Variants in ADAMTS3 observed in about 807,000 individuals in gnomAD.
ADAMTS3 encodes the protein ADAM metallopeptidase with thrombospondin type 1 motif 3.
A neutral mutation model predicts 129.0 loss-of-function variants in ADAMTS3; 73 were observed. The ratio of observed to expected loss-of-function variants is 0.57; its 90% confidence interval spans 0.47 to 0.69. ADAMTS3 has a LOEUF of 0.69. Among genes scored for constraint, ADAMTS3 ranks in the 30% least tolerant of loss-of-function variants. ADAMTS3 has a pLI of 0.00. For missense variants in ADAMTS3, 1,457 were observed against 1,514.5 expected, an observed-to-expected ratio of 0.96 and a Z score of 0.63; for synonymous variants, 477 against 510.8, an observed-to-expected ratio of 0.93 and a Z score of 0.89.
At chr4:72,433,974 G>A (rs1358278239) in intron 3 of ADAMTS3, among the ~76,000 whole-genome samples, 4 of 151,646 alleles carry the variant, frequency 2.6e-5, no homozygotes, top group Admixed American at 6.6e-5. Context: ...CTAGACTACC[G>A]AGGTTGGTGA....
At chr4:72,387,099 T>A (rs1039791191) in intron 4 of ADAMTS3, among the ~76,000 whole-genome samples, 1 of 152,198 alleles carries the variant, frequency 6.6e-6, no homozygotes, top group Non-Finnish European at 1.5e-5. Context: ...GAGTAGACAT[T>A]ATCAAAGCAA....
chr4:72,530,607 T>A (rs1720995432), intron 3 of ADAMTS3, among the ~76,000 whole-genome samples: 1 of 88,330 alleles, frequency 1.1e-5, no homozygotes, highest in African/African-American at 4.6e-5. Context: ...TATTAAAATA[T>A]ATATTATATA....
intron 3 of ADAMTS3, among the ~76,000 whole-genome samples, chr4:72,529,681 A>G (rs1720912232): frequency 7.9e-6 from 1 of 125,890 alleles, no homozygotes; most frequent in Non-Finnish European, 1.6e-5. Context: ...AATATTATTT[A>G]TATATTAAAT....
intron 1 of ADAMTS3, 36 bp from the exon 2 acceptor site, chr4:72,567,437 A>C (rs1722044809): frequency 6.2e-7 from 1 of 1,605,998 alleles, no homozygotes. Context: ...AAAGAAAGTT[A>C]CTGGGTTTCA....
chr4:72,400,226 TGTGTGTATATATGCACACATG>T lies in ADAMTS3; in HGVS notation c.661+14568_661+14588del, dbSNP rs1318317348. On this transcript the variant is annotated intron_variant, in intron 4 of 21. Transcript: ENST00000286657. ...TATGCACACATGGTGTGTATGTATA[TGTGTGTATATATGCACACATG>T]GTGTGTATATACGTGTGTATATATG... Among the ~76,000 whole-genome samples the T allele has an allele frequency of 2.7e-4, 37 of 135,462 alleles. 2 individuals are homozygous for T. Among genetic ancestry groups the T allele is most frequent in the African/African-American group, 9.8e-4 (36 of 36,562 alleles). The allele number at this position is 135,462 out of a possible 152,430, so 88.9% of individuals were successfully genotyped here.
intron 3 of ADAMTS3, among the ~76,000 whole-genome samples, chr4:72,506,431 T>C (rs1333179252): frequency 6.6e-6 from 1 of 152,156 alleles, no homozygotes; most frequent in Non-Finnish European, 1.5e-5. Flanking sequence ...TTGAGGCACT[T>C]TCCAAAGTTC....
chr4:72,313,110 G>A (rs1006154489), intron 12 of ADAMTS3, among the ~76,000 whole-genome samples: 2 of 152,148 alleles, frequency 1.3e-5, no homozygotes, highest in African/African-American at 4.8e-5. Flanking sequence ...TTAAACCCTA[G>A]ACAAGGCAGA....
chr4:72,512,319 C>G (rs1052069031), intron 3 of ADAMTS3, among the ~76,000 whole-genome samples: 1 of 151,984 alleles, frequency 6.6e-6, no homozygotes, highest in South Asian at 2.1e-4. Flanking sequence ...TGGTGAAACC[C>G]TGTCTCTACT....
chr4:72,458,500 G>C (rs888878176), intron 3 of ADAMTS3, among the ~76,000 whole-genome samples: 1 of 151,588 alleles, frequency 6.6e-6, no homozygotes, highest in African/African-American at 2.4e-5. Context: ...TTTAAGTTAA[G>C]TGGTTAAATA....
chr4:72,417,697 G>A (rs1462083604), intron 3 of ADAMTS3, among the ~76,000 whole-genome samples: 4 of 152,036 alleles, frequency 2.6e-5, no homozygotes, highest in South Asian at 2.1e-4. Flanking sequence ...TTGGGACGCC[G>A]AGATGGGCGG....
rs1719308276 is a variant in ADAMTS3, at chr4:72,313,703, G to A, written c.1719C>T (p.Phe573=). 1 of 1,613,488 alleles carries A rather than the reference G, an allele frequency of 6.2e-7. No individual in the cohort carries two copies. Among genetic ancestry groups the A allele is most frequent in the South Asian group, 1.1e-5 (1 of 91,074 alleles). ...CSRTCGTGVR[F]RTRQCNNPMP... Reference sequence around the variant, plus strand: ...TGGGATTATTGCACTGGCGTGTTCTGAAACGAACACCAGTTCCACATGTCC... The same window carrying A: ...TGGGATTATTGCACTGGCGTGTTCTAAAACGAACACCAGTTCCACATGTCC... The change falls in exon 12 of 22, where the codon TTC becomes TTT. Residue 573 remains phenylalanine, a synonymous_variant. Transcript: ENST00000286657.
At chr4:72,321,986 G>A (rs923686122) in intron 6 of ADAMTS3, among the ~76,000 whole-genome samples, 5 of 152,048 alleles carry the variant, frequency 3.3e-5, no homozygotes, top group African/African-American at 1.2e-4. Context: ...ATTTGAACTT[G>A]GAACCAAAAA....
At chr4:72,505,272 T>C (rs1420870893) in intron 3 of ADAMTS3, among the ~76,000 whole-genome samples, 1 of 152,208 alleles carries the variant, frequency 6.6e-6, no homozygotes, top group East Asian at 1.9e-4. Flanking sequence ...CTTCTTTCCC[T>C]GTCTCTTTAC....
At chr4:72,485,887 C>T (rs1719578418) in intron 3 of ADAMTS3, among the ~76,000 whole-genome samples, 1 of 152,178 alleles carries the variant, frequency 6.6e-6, no homozygotes, top group South Asian at 2.1e-4. Flanking sequence ...CTGTTTGCCC[C>T]TTCCACCATG....
intron 3 of ADAMTS3, among the ~76,000 whole-genome samples, chr4:72,426,588 C>T (rs1722579445): frequency 6.6e-6 from 1 of 152,040 alleles, no homozygotes; most frequent in African/African-American, 2.4e-5. Flanking sequence ...AACAATATAA[C>T]AATAAAAAAC....
At chr4:72,479,099 C>G (rs1719343029) in intron 3 of ADAMTS3, among the ~76,000 whole-genome samples, 1 of 152,014 alleles carries the variant, frequency 6.6e-6, no homozygotes, top group Non-Finnish European at 1.5e-5. Context: ...AATCAATATC[C>G]TGAGAATGGC....
Position 72,444,240 on chromosome 4 carries a change from C to A in ADAMTS3, c.505-29269G>T, listed in dbSNP as rs144864010. Reference sequence around the variant, plus strand: ...CAAATCATAAAAGAATTCACTGCTACCCTCACCAAAATCTAAATGGGGAGG... The same window carrying A: ...CAAATCATAAAAGAATTCACTGCTAACCTCACCAAAATCTAAATGGGGAGG... On this transcript the variant is annotated intron_variant, in intron 3 of 21. Coordinates refer to ENST00000286657, the MANE Select transcript of ADAMTS3 (RefSeq NM_014243.3). Among the ~76,000 whole-genome samples, 317 of 151,790 alleles carry A rather than the reference C, an allele frequency of 2.1e-3. 1 individual carries two copies. Among genetic ancestry groups the A allele is most frequent in the African/African-American group, 7.2e-3 (298 of 41,484 alleles).
chr4:72,357,985 A>G (rs1423939160), intron 4 of ADAMTS3, among the ~76,000 whole-genome samples: 1 of 151,982 alleles, frequency 6.6e-6, no homozygotes, highest in Non-Finnish European at 1.5e-5. Context: ...TTATGCAAGG[A>G]TGGCTAACAG....
intron 4 of ADAMTS3, 85 bp downstream of exon 4, chr4:72,414,730 A>G (rs538024199): frequency 9.7e-7 from 1 of 1,035,592 alleles, no homozygotes; most frequent in Non-Finnish European, 1.3e-6. Context: ...GAACATGGCA[A>G]TCACATTCTC....
Sources: gnomAD v4.1 joint callset for allele counts (sites outside exome capture counted in the v4.1 genomes callset) on GRCh38, gnomAD v4.1.1 for gene constraint, MANE v1.5 for transcripts, NCBI Gene and HGNC (gene_info 2026-07-23, HGNC 2026-07-21) for gene names.